Variants in CLSTN2 observed in about 807,000 individuals in gnomAD.
CLSTN2 encodes calsyntenin 2.
Under a neutral mutation model 101.2 loss-of-function variants are expected in CLSTN2, and 48 were observed. The ratio of observed to expected loss-of-function variants is 0.47; its 90% confidence interval spans 0.38 to 0.60. The LOEUF is 0.60. Among genes scored for constraint, CLSTN2 ranks in the 20% least tolerant of loss-of-function variants. The pLI is 0.00. For synonymous variants in CLSTN2, 481 were observed against 463.6 expected (o/e 1.04, Z -0.48); for missense variants, 1,160 against 1,238.2 (o/e 0.94, Z 0.95).
intron 1 of CLSTN2, among the ~76,000 whole-genome samples, chr3:140,063,753 G>A (rs2107773913): frequency 6.6e-6 from 1 of 152,116 alleles, no homozygotes; most frequent in African/African-American, 2.4e-5. Flanking sequence ...TTGTAGGAGG[G>A]GCCATCTTGC....
intron 2 of CLSTN2, among the ~76,000 whole-genome samples, chr3:140,252,823 C>T (rs1312644556): frequency 6.6e-6 from 1 of 152,036 alleles, no homozygotes; most frequent in East Asian, 1.9e-4. Flanking sequence ...AGCTCAGAGG[C>T]TTGAAAGGAT....
At chr3:140,427,943 T>C (rs1401007646) in intron 5 of CLSTN2, among the ~76,000 whole-genome samples, 2 of 152,132 alleles carry the variant, frequency 1.3e-5, no homozygotes, top group African/African-American at 4.8e-5. Flanking sequence ...CTGTGTGGGC[T>C]ATGATGACCT....
chr3:140,517,265 T>C (rs959224878), intron 8 of CLSTN2, among the ~76,000 whole-genome samples: 7 of 152,236 alleles, frequency 4.6e-5, no homozygotes, highest in African/African-American at 7.2e-5. Flanking sequence ...CACTTTTCTC[T>C]GGTGCCTCCT....
rs2009773219 is a variant in CLSTN2 at position 140,145,836 on chromosome 3, C to T, written c.110-30115C>T. On this transcript the variant is annotated intron_variant, in intron 1 of 16. Transcript: ENST00000458420. ...TCTTGGAGCCAGCAGAGTGATCTTT[C>T]CAACACATCCCACCCATGTGGGACA... 2.0e-5 allele frequency among the ~76,000 whole-genome samples: 3 copies of T among 152,364 alleles called. No homozygotes were observed. In the South Asian group the frequency reaches 6.2e-4, roughly 32 times the overall value.
intron 1 of CLSTN2, among the ~76,000 whole-genome samples, chr3:139,941,957 A>ACTCC (rs1935139273): frequency 6.6e-6 from 1 of 152,160 alleles, no homozygotes; most frequent in Non-Finnish European, 1.5e-5. Context: ...CAGAGGAGTA[A>ACTCC]ACTGAGTCAC....
At chr3:140,551,489 G>A (rs1032814959) in intron 10 of CLSTN2, among the ~76,000 whole-genome samples, 1 of 151,840 alleles carries the variant, frequency 6.6e-6, no homozygotes, top group Non-Finnish European at 1.5e-5. Flanking sequence ...CACAATCCCT[G>A]CCAATTTTTC....
intron 2 of CLSTN2, among the ~76,000 whole-genome samples, chr3:140,198,269 C>T (rs141703562): frequency 3.7e-3 from 560 of 152,284 alleles, no homozygotes; most frequent in Middle Eastern, 0.017. Context: ...TGTGTTGGTG[C>T]CTTTGGGGCA....
chr3:140,524,902 A>G (rs990814108), intron 8 of CLSTN2, among the ~76,000 whole-genome samples: 2 of 152,202 alleles, frequency 1.3e-5, no homozygotes, highest in Non-Finnish European at 2.9e-5. Context: ...AATTATTGAA[A>G]ATAGTGACCC....
chr3:140,000,318 TA>T (rs1225092512), intron 1 of CLSTN2, among the ~76,000 whole-genome samples: 10 of 152,226 alleles, frequency 6.6e-5, no homozygotes, highest in African/African-American at 2.4e-4. Context: ...GATATTTAGT[TA>T]GCACTTATTA....
chr3:140,052,304 G>A (rs779851880), intron 1 of CLSTN2, among the ~76,000 whole-genome samples: 13 of 152,018 alleles, frequency 8.6e-5, no homozygotes, highest in African/African-American at 1.7e-4. Context: ...GACTACAGGC[G>A]CACGCCACCA....
intron 1 of CLSTN2, among the ~76,000 whole-genome samples, chr3:140,045,429 G>A (rs961389399): frequency 4.0e-5 from 6 of 151,764 alleles, no homozygotes; most frequent in African/African-American, 1.5e-4. Context: ...TTTTTTATTA[G>A]TCTTGCTAGC....
chr3:140,144,922 A>G (rs969721124), intron 1 of CLSTN2, among the ~76,000 whole-genome samples: 4 of 152,178 alleles, frequency 2.6e-5, no homozygotes, highest in Non-Finnish European at 5.9e-5. Flanking sequence ...GTGAAGAGTT[A>G]TTTCAACTCA....
At chr3:140,163,147 G>C (rs753228417) in intron 1 of CLSTN2, among the ~76,000 whole-genome samples, 16 of 152,144 alleles carry the variant, frequency 1.1e-4, no homozygotes, top group Non-Finnish European at 1.8e-4. Flanking sequence ...TCTAGATATT[G>C]CTGCGAAGAT....
intron 1 of CLSTN2, among the ~76,000 whole-genome samples, chr3:140,160,173 T>G (rs1026798150): frequency 1.3e-5 from 2 of 152,010 alleles, no homozygotes; most frequent in African/African-American, 4.8e-5. Flanking sequence ...AAGTTGAAAT[T>G]CTAAAAATAT....
At chr3:140,509,048 G>T (rs1237944670) in intron 8 of CLSTN2, among the ~76,000 whole-genome samples, 1 of 152,100 alleles carries the variant, frequency 6.6e-6, no homozygotes, top group Non-Finnish European at 1.5e-5. Context: ...AGGGAGACTG[G>T]CATTTGCTGG....
chr3:140,191,709 T>G (rs1206536513), intron 2 of CLSTN2, among the ~76,000 whole-genome samples: 1 of 151,992 alleles, frequency 6.6e-6, no homozygotes, highest in African/African-American at 2.4e-5. Flanking sequence ...GTAGTATCCT[T>G]TTGATATCTG....
chr3:140,161,282 A>G (rs1219941080), intron 1 of CLSTN2, among the ~76,000 whole-genome samples: 3 of 152,188 alleles, frequency 2.0e-5, no homozygotes, highest in African/African-American at 7.2e-5. Flanking sequence ...GTCCAAATGT[A>G]TTTCAGAAGT....
intron 2 of CLSTN2, among the ~76,000 whole-genome samples, chr3:140,185,445 A>G (rs1352725475): frequency 2.6e-5 from 4 of 152,166 alleles, no homozygotes; most frequent in African/African-American, 9.7e-5. Flanking sequence ...ATTTAAATCA[A>G]TGGCATGCTT....
chr3:139,994,627 C>G (rs1936170739), intron 1 of CLSTN2, among the ~76,000 whole-genome samples: 1 of 152,202 alleles, frequency 6.6e-6, no homozygotes, highest in African/African-American at 2.4e-5. Context: ...CTTGATAGGA[C>G]TGCTCCCCTT....
Sources: gnomAD v4.1 joint callset for allele counts (sites outside exome capture counted in the v4.1 genomes callset) on GRCh38, gnomAD v4.1.1 for gene constraint, MANE v1.5 for transcripts, NCBI Gene and HGNC (gene_info 2026-07-23, HGNC 2026-07-21) for gene names.